SDK1: variants seen among roughly 807,000 people sequenced by gnomAD.
The protein encoded by SDK1 is protein sidekick-1.
A neutral mutation model predicts 245.5 loss-of-function variants in SDK1; 157 were observed. That is an observed-to-expected ratio of 0.64 (90% CI 0.56 to 0.73). The LOEUF (loss-of-function observed/expected upper bound fraction) is 0.73, where lower values mean the gene tolerates loss of function less well. SDK1 is among the 30% of genes least tolerant of loss of function. The pLI is 0.00. For synonymous variants in SDK1, 1,647 were observed against 1,278.5 expected, an observed-to-expected ratio of 1.29 and a Z score of -6.15; for missense variants, 3,583 against 3,002.3, an observed-to-expected ratio of 1.19 and a Z score of -4.52.
At chr7:3,756,423 CTCCTT>C (rs748125089) in intron 4 of SDK1, among the ~76,000 whole-genome samples, 1 of 151,958 alleles carries the variant, frequency 6.6e-6, no homozygotes, top group Non-Finnish European at 1.5e-5. Context: ...TTGAACCTGA[CTCCTT>C]TCACATGGCA....
At chr7:3,882,815 A>G (rs962098428) in intron 5 of SDK1, among the ~76,000 whole-genome samples, 5 of 152,194 alleles carry the variant, frequency 3.3e-5, no homozygotes, top group Non-Finnish European at 5.9e-5. Flanking sequence ...TGAAAACTGA[A>G]TTATAAAAAA....
At chr7:3,938,645 C>CAAAAAAAAAAAAAAAAAAAAAAAAAAAAA (rs559065786) in intron 5 of SDK1, among the ~76,000 whole-genome samples, 9 of 90,584 alleles carry the variant, frequency 9.9e-5, no homozygotes, top group African/African-American at 4.3e-4. Context: ...GACTCCGTCT[C>CAAAAAAAAAAAAAAAAAAAAAAAAAAAAA]AAAAAAAAAA....
Position 3,585,031 on chromosome 7 carries a change from C to T in SDK1, c.299-34049C>T, listed in dbSNP as rs1385592327. ...GAGCCACCGCGCCCAGCCAACTTCA[C>T]GTTTTGAGTGATCCACTGCCTCACA... On this transcript the variant is annotated intron_variant, in intron 1 of 44. Transcript: ENST00000404826. 2.0e-5 allele frequency among the ~76,000 whole-genome samples: 3 copies of T among 152,124 alleles called. No homozygotes were observed. In the South Asian group the frequency reaches 6.2e-4, roughly 32 times the overall value.
At chr7:3,553,863 G>T (rs1344380949) in intron 1 of SDK1, among the ~76,000 whole-genome samples, 1 of 152,136 alleles carries the variant, frequency 6.6e-6, no homozygotes, top group South Asian at 2.1e-4. Context: ...CTGGGCATTA[G>T]GCCTGGGGAA....
chr7:3,397,131 CT>C (rs1243781610), intron 1 of SDK1, among the ~76,000 whole-genome samples: 8 of 151,790 alleles, frequency 5.3e-5, no homozygotes, highest in African/African-American at 1.4e-4. Flanking sequence ...CACTTGCATG[CT>C]TTTTTTGCCT....
chr7:3,572,814 A>G (rs1780158365), intron 1 of SDK1, among the ~76,000 whole-genome samples: 1 of 152,108 alleles, frequency 6.6e-6, no homozygotes, highest in Non-Finnish European at 1.5e-5. Context: ...GAGTAAACGT[A>G]AACATGGTGA....
chr7:3,655,594 A>G (rs1456573502), intron 4 of SDK1, among the ~76,000 whole-genome samples: 4 of 148,640 alleles, frequency 2.7e-5, no homozygotes, highest in African/African-American at 5.0e-5. Flanking sequence ...ACACTTGCTT[A>G]TTTGCTGCTA....
chr7:3,438,935 C>A (rs1199729174), intron 1 of SDK1, among the ~76,000 whole-genome samples: 1 of 150,666 alleles, frequency 6.6e-6, no homozygotes, highest in East Asian at 1.9e-4. Context: ...TCACTGCAAC[C>A]TCTGCCTCCT....
chr7:3,670,871 C>T (rs992375135), intron 4 of SDK1, among the ~76,000 whole-genome samples: 1 of 152,180 alleles, frequency 6.6e-6, no homozygotes, highest in Non-Finnish European at 1.5e-5. Context: ...ATTAGATGAT[C>T]ACCCTTTTGT....
intron 2 of SDK1, among the ~76,000 whole-genome samples, chr7:3,635,334 G>A (rs1379332481): frequency 6.6e-6 from 1 of 152,056 alleles, no homozygotes; most frequent in African/African-American, 2.4e-5. Context: ...TTATCAGAGG[G>A]GAAAACATAG....
At chr7:3,573,052 A>G (rs574769845) in intron 1 of SDK1, among the ~76,000 whole-genome samples, 90 of 152,202 alleles carry the variant, frequency 5.9e-4, no homozygotes, top group African/African-American at 1.8e-3. Flanking sequence ...CAGCCCAGGC[A>G]CAGCCAAGTG....
chr7:3,934,065 G>T (rs1250108338), intron 5 of SDK1, among the ~76,000 whole-genome samples: 1 of 152,198 alleles, frequency 6.6e-6, no homozygotes, highest in African/African-American at 2.4e-5. Context: ...AGGCCTCTTT[G>T]TAACTAGACG....
chr7:3,756,516 G>A (rs55806931), intron 4 of SDK1, among the ~76,000 whole-genome samples: 13,810 of 151,052 alleles, frequency 0.091, 1,968 homozygotes, highest in African/African-American at 0.31. Flanking sequence ...AGACATGTGT[G>A]TCATTGCATG....
rs144576968 is a variant in SDK1, at chr7:4,220,034, C to T, written c.5540-75C>T. ...CTGCAGGGACCACTTTCCTTGTTAT[C>T]GCAACAGAACAGACAGTGGACAGTT... On this transcript the variant is annotated intron_variant, in intron 38 of 44. Coordinates refer to ENST00000404826, the MANE Select transcript of SDK1 (RefSeq NM_152744.4). The T allele has an allele frequency of 3.5e-4, 526 of 1,509,696 alleles. No homozygotes were observed. In the African/African-American group the frequency reaches 5.8e-3, roughly 17 times the overall value. The allele number at this position is 1,509,696 out of a possible 1,614,324, so 93.5% of individuals were successfully genotyped here. A position where few individuals can be genotyped will look rare whatever the true frequency, so the allele number is the denominator to read the frequency against.
intron 4 of SDK1, among the ~76,000 whole-genome samples, chr7:3,664,115 G>A (rs757573335): frequency 6.6e-6 from 1 of 152,004 alleles, no homozygotes; most frequent in African/African-American, 2.4e-5. Flanking sequence ...AATTAGCCCA[G>A]TGAGCATTTC....
At chr7:3,325,788 T>C (rs974482299) in intron 1 of SDK1, among the ~76,000 whole-genome samples, 5 of 152,180 alleles carry the variant, frequency 3.3e-5, no homozygotes, top group African/African-American at 1.2e-4. Context: ...TTCTGTTGAA[T>C]TTCTCTGACA....
chr7:3,857,294 G>A (rs1214831483), intron 5 of SDK1, among the ~76,000 whole-genome samples: 1 of 152,076 alleles, frequency 6.6e-6, no homozygotes, highest in African/African-American at 2.4e-5. Context: ...GAAGGAGGAG[G>A]AGAAAGGGGA....
chr7:3,483,104 G>C (rs146662725), intron 1 of SDK1, among the ~76,000 whole-genome samples: 114 of 152,248 alleles, frequency 7.5e-4, no homozygotes, highest in African/African-American at 2.7e-3. Flanking sequence ...TTTTATGTGA[G>C]TTTTAGGATT....
chr7:4,015,001 C>A (rs1002319714), intron 16 of SDK1, among the ~76,000 whole-genome samples: 2 of 152,034 alleles, frequency 1.3e-5, no homozygotes, highest in African/African-American at 4.8e-5. Flanking sequence ...GTGGCTCATG[C>A]AGGTGTAGTT....
Sources: allele counts gnomAD v4.1 joint callset (sites outside exome capture counted in the v4.1 genomes callset), GRCh38; gene constraint gnomAD v4.1.1; transcripts MANE v1.5; gene names NCBI Gene and HGNC (gene_info 2026-07-23, HGNC 2026-07-21).